KIF13B: variants seen among roughly 807,000 people sequenced by gnomAD.
The protein encoded by KIF13B is kinesin-like protein KIF13B.
Under a neutral mutation model 222.0 loss-of-function variants are expected in KIF13B, and 127 were observed. The ratio of observed to expected loss-of-function variants is 0.57; its 90% CI spans 0.50 to 0.66. The LOEUF (loss-of-function observed/expected upper bound fraction) is 0.66, where lower values mean the gene tolerates loss of function less well. Ranked by LOEUF, KIF13B falls within the 30% of genes least tolerant of loss-of-function variation. The pLI, the probability that KIF13B is intolerant of heterozygous loss-of-function variation, is 0.00. For missense variants in KIF13B, 2,173 were observed against 2,379.0 expected (o/e 0.91, Z 1.80); for synonymous variants, 976 against 919.0 (o/e 1.06, Z -1.12).
intron 2 of KIF13B, among the ~76,000 whole-genome samples, chr8:29,218,383 C>T (rs139815927): frequency 6.6e-6 from 1 of 152,370 alleles, no homozygotes; most frequent in Admixed American, 6.5e-5. Context: ...TTTCCTACGT[C>T]TGTTCTCTGT....
At position 29,160,798 on chromosome 8, in the gene KIF13B, T is replaced by A. The variant is rs1318603914; in HGVS notation, c.1339A>T (p.Lys447Ter). The A allele has an allele frequency of 6.2e-7, 1 of 1,613,548 alleles. No homozygotes were observed. Among genetic ancestry groups the A allele is most frequent in the Non-Finnish European group, 8.5e-7 (1 of 1,179,566 alleles). The stretch of plus-strand genomic sequence containing the variant: ...GCATTCAGATTCACAAGGAAGCATT[T>A]ATCATCCCCAACTTTGATTCCCGAA... The part of the protein sequence containing the change: ...QSSGIKVGDD[K>*]CFLVNLNADP... The change falls in exon 13 of 40, where the codon AAA (lysine) becomes TAA (stop). Residue 447 changes from lysine to a stop codon, truncating the protein, a stop_gained. Transcript: ENST00000524189. LOFTEE classifies it high-confidence loss of function.
intron 2 of KIF13B, among the ~76,000 whole-genome samples, chr8:29,245,044 T>C (rs779860426): frequency 2.0e-5 from 3 of 152,244 alleles, no homozygotes; most frequent in Non-Finnish European, 4.4e-5. Context: ...ACTTACATCC[T>C]AGCTAATCCT....
At chr8:29,106,256 G>A (rs956429781) in intron 35 of KIF13B, among the ~76,000 whole-genome samples, 3 of 152,118 alleles carry the variant, frequency 2.0e-5, no homozygotes, top group Non-Finnish European at 2.9e-5. Flanking sequence ...TCCAGTGAAC[G>A]GATAAGCTGG....
chr8:29,174,059 T>C (rs2130227207), intron 10 of KIF13B, among the ~76,000 whole-genome samples: 1 of 152,308 alleles, frequency 6.6e-6, no homozygotes, highest in South Asian at 2.1e-4. Context: ...TATAATTGAT[T>C]ACTACATTCA....
At chr8:29,225,475 A>G (rs10087559) in intron 2 of KIF13B, among the ~76,000 whole-genome samples, 2,310 of 152,310 alleles carry the variant, frequency 0.015, 57 homozygotes, top group African/African-American at 0.052. Flanking sequence ...ATCAGGTCAA[A>G]GGCTGTTGAA....
chr8:29,219,975 G>A (rs1272927137), intron 2 of KIF13B, among the ~76,000 whole-genome samples: 1 of 150,690 alleles, frequency 6.6e-6, no homozygotes, highest in Non-Finnish European at 1.5e-5. Context: ...GAGGTGGAAG[G>A]ATCACATGAG....
At chr8:29,236,922 C>CT (rs11383292) in intron 2 of KIF13B, among the ~76,000 whole-genome samples, 30,879 of 151,616 alleles carry the variant, frequency 0.2, 3,318 homozygotes, top group African/African-American at 0.25. Context: ...TTTTGTTTTG[C>CT]TTTTTTTTAC....
At chr8:29,197,546 A>G (rs1319808806) in intron 2 of KIF13B, among the ~76,000 whole-genome samples, 1 of 151,978 alleles carries the variant, frequency 6.6e-6, no homozygotes. Context: ...ACACATACAC[A>G]TATATGTTTT....
intron 12 of KIF13B, among the ~76,000 whole-genome samples, chr8:29,161,657 T>C (rs915421492): frequency 5.9e-5 from 9 of 151,724 alleles, no homozygotes; most frequent in African/African-American, 1.5e-4. Context: ...GATCATGCCA[T>C]TGTACTCCAG....
intron 37 of KIF13B, among the ~76,000 whole-genome samples, chr8:29,077,146 G>A (rs888127921): frequency 6.6e-6 from 1 of 152,092 alleles, no homozygotes; most frequent in East Asian, 1.9e-4. Context: ...ATGAGGGAGG[G>A]TCCCCTGGTG....
rs1807061738 is a variant in KIF13B at position 29,067,728 on chromosome 8, T to C, written c.*2776A>G. Reference sequence around the variant, plus strand: ...TTCCCGTTTCACATACAGGGAACTTTTAAGGCAAGAGGAGAAAATGCTAGG... The same window carrying C: ...TTCCCGTTTCACATACAGGGAACTTCTAAGGCAAGAGGAGAAAATGCTAGG... On this transcript the variant is annotated 3_prime_UTR_variant, in exon 40 of 40. Transcript: ENST00000524189. 6.6e-6 allele frequency: 1 copy of C among 152,468 alleles called. No individual in the cohort carries two copies. Among genetic ancestry groups the C allele is most frequent in the African/African-American group, 2.4e-5 (1 of 41,566 alleles). The allele number at this position is 152,468 out of a possible 1,614,324, so 9.4% of individuals were successfully genotyped here.
chr8:29,263,035 C>G lies in KIF13B; in HGVS notation c.-1G>C, dbSNP rs1162896929. On this transcript the variant is annotated 5_prime_UTR_variant, in exon 1 of 40. Transcript: ENST00000524189. ...CCACTTTCACTTTGGAGTCCCCCAT[C>G]CTGCAGCCGCCGAGGAACTCGTTCG... 5 of 1,594,004 alleles carry G rather than the reference C, an allele frequency of 3.1e-6. No individual in the cohort carries two copies. The highest frequency in any genetic ancestry group is 3.4e-6 in the Non-Finnish European group (4 of 1,172,040).
chr8:29,193,018 C>T (rs1021315907), intron 3 of KIF13B, among the ~76,000 whole-genome samples: 2 of 152,178 alleles, frequency 1.3e-5, no homozygotes, highest in African/African-American at 4.8e-5. Flanking sequence ...GCAGATAACC[C>T]TGGCAGCAAC....
chr8:29,114,291 C>A (rs752605025), intron 31 of KIF13B, among the ~76,000 whole-genome samples: 3 of 152,150 alleles, frequency 2.0e-5, no homozygotes, highest in South Asian at 2.1e-4. Flanking sequence ...AAGAGCAAAG[C>A]CAAGCTATTT....
intron 2 of KIF13B, among the ~76,000 whole-genome samples, chr8:29,240,884 T>G (rs1815747336): frequency 6.6e-6 from 1 of 152,218 alleles, no homozygotes; most frequent in Non-Finnish European, 1.5e-5. Context: ...TGCGGCAGCT[T>G]TGGAAACCAG....
chr8:29,205,138 A>ATG (rs1247680024), intron 2 of KIF13B, among the ~76,000 whole-genome samples: 2 of 152,058 alleles, frequency 1.3e-5, no homozygotes, highest in Admixed American at 6.6e-5. Context: ...GTAGTGAGCT[A>ATG]TGATCACACC....
chr8:29,198,327 TG>T (rs1359113961), intron 2 of KIF13B, among the ~76,000 whole-genome samples: 13 of 147,714 alleles, frequency 8.8e-5, no homozygotes, highest in Non-Finnish European at 1.7e-4. Flanking sequence ...TTTTGTTTTT[TG>T]TTTTTTTTTG....
intron 10 of KIF13B, among the ~76,000 whole-genome samples, chr8:29,168,165 A>C (rs1404052763): frequency 6.6e-6 from 1 of 152,238 alleles, no homozygotes; most frequent in East Asian, 1.9e-4. Flanking sequence ...AGCACTTCAA[A>C]AGCTACTAAG....
intron 9 of KIF13B, 131 bp downstream of exon 9, chr8:29,177,335 A>T: frequency 1.5e-6 from 1 of 653,990 alleles, no homozygotes; most frequent in Non-Finnish European, 2.7e-6. Flanking sequence ...ACAAAACCTA[A>T]AATGGGCCCA....
Sources: allele counts gnomAD v4.1 joint callset (sites outside exome capture counted in the v4.1 genomes callset), GRCh38; gene constraint gnomAD v4.1.1; transcripts MANE v1.5; gene names NCBI Gene and HGNC (gene_info 2026-07-23, HGNC 2026-07-21).